The following LY75 variants were observed in gnomAD, a reference collection of about 807,000 sequenced individuals.
LY75 encodes the protein C-type lectin domain family 13 member B.
In LY75, 185 loss-of-function variants were observed where a neutral mutation model predicts 231.7. The ratio of observed to expected loss-of-function variants is 0.80; its 90% confidence interval spans 0.71 to 0.90. LY75 has a LOEUF of 0.90. Ranked by LOEUF, LY75 falls within the 40% of genes least tolerant of loss-of-function variation. LY75 has a pLI of 0.00. For missense variants in LY75, 1,947 were observed against 2,050.2 expected, an observed-to-expected ratio of 0.95 and a Z score of 0.97; for synonymous variants, 668 against 689.0, an observed-to-expected ratio of 0.97 and a Z score of 0.48.
chr2:159,842,367 T>C lies in LY75; in HGVS notation c.3158A>G (p.Glu1053Gly), dbSNP rs745936469. 2.5e-6 allele frequency: 4 copies of C among 1,607,830 alleles called. No homozygotes were observed. The highest frequency in any genetic ancestry group is 2.7e-5 in the African/African-American group (2 of 74,166). ...GRLRIPENFF[E>G]EESRYHCALI... ...GGCACAGTGGTAGCGAGACTCTTCC[T>C]CAAAAAACTAAACAAAAAGGCAAAT... Residue 1053 changes from glutamate (E) to glycine (G), a missense_variant, in exon 24 of 35, where the codon GAG becomes GGG. Transcript: ENST00000263636.
chr2:159,806,002 T>C (rs1682783212), intron 34 of LY75, among the ~76,000 whole-genome samples: 1 of 152,212 alleles, frequency 6.6e-6, no homozygotes, highest in Admixed American at 6.5e-5. Context: ...TTGCTCCAAC[T>C]GGTACCTCTG....
chr2:159,834,286 G>C lies in LY75; in HGVS notation c.3674-75C>G. On this transcript the variant is annotated intron_variant, in intron 26 of 34. Transcript: ENST00000263636. ...AATCCTGTTTGCAGTCATTAGGCTTGATTTGTAGGAAATATTCAGGAAGCC... is the reference window on the plus strand; with the variant it reads ...AATCCTGTTTGCAGTCATTAGGCTTCATTTGTAGGAAATATTCAGGAAGCC... 3 of 1,566,466 alleles carry C rather than the reference G, an allele frequency of 1.9e-6. No individual in the cohort carries two copies. In the Admixed American group the frequency reaches 5.4e-5, roughly 28 times the overall value.
At position 159,885,152 on chromosome 2, in the gene LY75, C is replaced by G; in HGVS notation, c.1054+1G>C. On this transcript the variant is annotated splice_donor_variant, in intron 6 of 34. Coordinates refer to ENST00000263636, the MANE Select transcript of LY75 (RefSeq NM_002349.4). LOFTEE classifies it high-confidence loss of function. ...TTTGTATGAGTATGTGAGAAAGATACCTGTTAACTCCACTGTATTATTTAA... is the reference window on the plus strand; with the variant it reads ...TTTGTATGAGTATGTGAGAAAGATAGCTGTTAACTCCACTGTATTATTTAA... 1 of 1,612,056 alleles carries G rather than the reference C, an allele frequency of 6.2e-7. No individual in the cohort carries two copies. The highest frequency in any genetic ancestry group is 1.3e-5 in the African/African-American group (1 of 74,936).
chr2:159,886,329 T>G, intron 5 of LY75, 91 bp downstream of exon 5: 1 of 1,356,028 alleles, frequency 7.4e-7, no homozygotes. Flanking sequence ...GCTGCCAAGA[T>G]GTGAAACTTT....
rs766936593 is a variant in LY75, at chr2:159,885,181, TTTCCTGCAGACA to T, written c.1014_1025del (p.Tyr338_Lys342delinsTer). Reference sequence around the variant, plus strand: ...TTAACTCCACTGTATTATTTAATGGTTTCCTGCAGACATAGGGCAGTTGAGCTTCACAGGAAA... The same window carrying T: ...TTAACTCCACTGTATTATTTAATGGTTAGGGCAGTTGAGCTTCACAGGAAA... On this transcript the variant is annotated stop_gained and inframe_deletion, in exon 6 of 35. Coordinates refer to ENST00000263636, the MANE Select transcript of LY75 (RefSeq NM_002349.4). LOFTEE classifies it high-confidence loss of function. The T allele has an allele frequency of 1.2e-6, 2 of 1,613,492 alleles. No individual in the cohort carries two copies. The highest frequency in any genetic ancestry group is 4.5e-5 in the East Asian group (2 of 44,862).
chr2:159,842,432 G>A, intron 23 of LY75, 58 bp from the exon 24 acceptor site: 3 of 1,515,790 alleles, frequency 2.0e-6, no homozygotes, highest in Non-Finnish European at 2.7e-6. Flanking sequence ...GAAGCTCCTA[G>A]CAAGAAAAGT....
intron 8 of LY75, 68 bp from the exon 9 acceptor site, chr2:159,879,437 A>G (rs934948977): frequency 3.1e-6 from 5 of 1,588,494 alleles, no homozygotes; most frequent in African/African-American, 1.4e-5. Flanking sequence ...AACTGAACTC[A>G]CAAAAACTAT....
Position 159,864,936 on chromosome 2 carries a change from G to A in LY75, c.2118-16C>T. 1.3e-6 allele frequency: 2 copies of A among 1,591,400 alleles called. No individual in the cohort carries two copies. The highest frequency in any genetic ancestry group is 1.7e-6 in the Non-Finnish European group (2 of 1,171,032). On this transcript the variant is annotated splice_polypyrimidine_tract_variant and intron_variant, in intron 13 of 34. Coordinates refer to ENST00000263636, the MANE Select transcript of LY75 (RefSeq NM_002349.4). ...ATGCTGGCCACTATGTAAAAAGCAA[G>A]TGTTAAAAATACAGGACAATGCTTG...
chr2:159,869,389 G>A lies in LY75; in HGVS notation c.2117+3062C>T, dbSNP rs529891518. Among the ~76,000 whole-genome samples, 38 of 152,254 alleles carry A rather than the reference G, an allele frequency of 2.5e-4. 1 individual carries two copies. The highest frequency in any genetic ancestry group is 8.4e-4 in the African/African-American group (35 of 41,552). ...TCACCAAAGTCACACTGGAGGCTTT[G>A]GTCATGAGCAGAATGAATGTGAGAA... On this transcript the variant is annotated intron_variant, in intron 13 of 34. Transcript: ENST00000263636.
At chr2:159,867,181 T>C (rs547866433) in intron 13 of LY75, among the ~76,000 whole-genome samples, 3 of 152,314 alleles carry the variant, frequency 2.0e-5, no homozygotes, top group African/African-American at 4.8e-5. Context: ...AAAAGTTTCA[T>C]TTGAACACAG....
intron 1 of LY75, among the ~76,000 whole-genome samples, chr2:159,900,264 T>C (rs2125887454): frequency 6.6e-6 from 1 of 152,328 alleles, no homozygotes; most frequent in Admixed American, 6.5e-5. Context: ...TTTCTGAAAA[T>C]AAAGTAATGC....
intron 1 of LY75, among the ~76,000 whole-genome samples, chr2:159,902,095 GGTAATTACAGA>G (rs1367094239): frequency 2.0e-5 from 3 of 152,062 alleles, no homozygotes; most frequent in African/African-American, 7.2e-5. Context: ...ACTTTGAAAA[GGTAATTACAGA>G]GTAGATTTTA....
intron 28 of LY75, among the ~76,000 whole-genome samples, chr2:159,824,875 T>C (rs1011735097): frequency 6.6e-6 from 1 of 151,794 alleles, no homozygotes; most frequent in Non-Finnish European, 1.5e-5. Context: ...AATAACGAAA[T>C]GAAGGCAGAA....
chr2:159,868,988 T>C (rs1244184845), intron 13 of LY75, among the ~76,000 whole-genome samples: 1 of 152,148 alleles, frequency 6.6e-6, no homozygotes, highest in Non-Finnish European at 1.5e-5. Flanking sequence ...GATGAGTTCA[T>C]GTCCTTTGTA....
intron 25 of LY75, among the ~76,000 whole-genome samples, chr2:159,840,108 T>A (rs1170156485): frequency 6.6e-6 from 1 of 151,984 alleles, no homozygotes; most frequent in East Asian, 1.9e-4. Context: ...TCTTCCCTTA[T>A]CTTTTCATTG....
Position 159,850,285 on chromosome 2 carries a change from G to A in LY75, c.2989+77C>T, listed in dbSNP as rs568185603. The A allele has an allele frequency of 9.6e-6, 15 of 1,555,938 alleles. No homozygotes were observed. The African/African-American group carries it at 1.2e-4, about 13-fold the overall frequency. ...AGAAGTTTAATAAGAATTTTTGTAT[G>A]TTAATTCCCCATAGCCTCCTAAAAC... On this transcript the variant is annotated intron_variant, in intron 22 of 34. Coordinates refer to ENST00000263636, the MANE Select transcript of LY75 (RefSeq NM_002349.4).
At chr2:159,885,388 T>A in intron 5 of LY75, 95 bp from the exon 6 acceptor site, 1 of 1,481,132 alleles carries the variant, frequency 6.8e-7, no homozygotes, top group Non-Finnish European at 9.0e-7. Context: ...TTTATGCTTT[T>A]ATGGGAACTC....
At chr2:159,844,305 T>C (rs1246298581) in intron 23 of LY75, among the ~76,000 whole-genome samples, 1 of 135,502 alleles carries the variant, frequency 7.4e-6, no homozygotes, top group Non-Finnish European at 1.5e-5. Flanking sequence ...ATATACCACG[T>C]ACAAATAGGC....
rs1334151923 is a variant in LY75 at position 159,875,657 on chromosome 2, G to A, written c.1775-14C>T. On this transcript the variant is annotated splice_polypyrimidine_tract_variant and intron_variant, in intron 11 of 34. Coordinates refer to ENST00000263636, the MANE Select transcript of LY75 (RefSeq NM_002349.4). The stretch of plus-strand genomic sequence containing the variant: ...CGCCCGGGGAAGCTGGGATTGAAGT[G>A]GAAAGCTCAATTAAAAATTAAAACG... 1 of 1,611,222 alleles carries A rather than the reference G, an allele frequency of 6.2e-7. No individual in the cohort carries two copies.
Sources: gnomAD v4.1 joint callset for allele counts (sites outside exome capture counted in the v4.1 genomes callset) on GRCh38, gnomAD v4.1.1 for gene constraint, MANE v1.5 for transcripts, NCBI Gene and HGNC (gene_info 2026-07-23, HGNC 2026-07-21) for gene names.